KAT2A: variants seen among roughly 807,000 people sequenced by gnomAD.
KAT2A encodes lysine acetyltransferase 2A.
KAT2A carries 42 observed loss-of-function variants against 95.2 expected under a neutral mutation model. That is an observed-to-expected ratio of 0.44 (90% CI 0.34 to 0.57). The LOEUF (loss-of-function observed/expected upper bound fraction) is 0.57. Among genes scored for constraint, KAT2A ranks in the 20% least tolerant of loss-of-function variants. KAT2A has a pLI of 0.01. For missense variants in KAT2A, 784 were observed against 1,126.3 expected, an observed-to-expected ratio of 0.70 and a Z score of 4.35; for synonymous variants, 449 against 448.2, an observed-to-expected ratio of 1.00 and a Z score of -0.02.
Position 42,120,316 on chromosome 17 carries a change from A to G in KAT2A, c.518T>C (p.Leu173Pro). The G allele has an allele frequency of 1.2e-6, 2 of 1,614,198 alleles. No individual in the cohort carries two copies. Among genetic ancestry groups the G allele is most frequent in the African/African-American group, 1.3e-5 (1 of 75,056 alleles). Residue 173 changes from leucine to proline, a missense_variant, in exon 3 of 18, where the codon CTG becomes CCG. Around this residue, in one of 6 missense-constraint regions of KAT2A, gnomAD observed 208 missense variants for 339.7 expected, o/e 0.61. Transcript: ENST00000225916. ...ATTCTCCACATCCACCACCATCCCC[A>G]GCAGTCGGTTTATCTCATCCTCTGA... ...NVSEDEINRLLGMVVDVENLF... is the reference protein window; with the variant it reads ...NVSEDEINRLPGMVVDVENLF...
At position 42,117,864 on chromosome 17, in the gene KAT2A, G is replaced by A. The variant is rs377337793; in HGVS notation, c.1291+43C>T. 6.1e-5 allele frequency: 98 copies of A among 1,607,286 alleles called. No homozygotes were observed. The highest frequency in any genetic ancestry group is 1.7e-4 in the Middle Eastern group (1 of 6,060). ...CTCAGGATCAGTAAAAAAGGTTTGG[G>A]AAGGAGTGAATGAGGGTCAGAGGTC... On this transcript the variant is annotated intron_variant, in intron 8 of 17. Transcript: ENST00000225916. This position sits in a 1 kb window ranked among gnomAD's most constrained non-coding sequence, Gnocchi z 8.9.
intron 1 of KAT2A, 37 bp from the exon 2 acceptor site, chr17:42,120,866 T>C (rs376212534): frequency 7.5e-6 from 12 of 1,589,582 alleles, no homozygotes; most frequent in African/African-American, 1.3e-5. Flanking sequence ...CCTATACCTC[T>C]GGGGCAAGAG....
Position 42,113,564 on chromosome 17 carries a change from C to A in KAT2A, c.*85G>T. 2 of 1,350,834 alleles carry A rather than the reference C, an allele frequency of 1.5e-6. No individual in the cohort carries two copies. The highest frequency in any genetic ancestry group is 2.0e-6 in the Non-Finnish European group (2 of 983,134). 83.7% of individuals were successfully genotyped at this position (1,350,834 alleles called of 1,614,324 possible). A position where few individuals can be genotyped will look rare whatever the true frequency, so the allele number is the denominator to read the frequency against. ...TGGAGTGTCTCAAGCTGAGTCGGGT[C>A]CGTGGGGCCAGGGCACCCCCTAAGG... On this transcript the variant is annotated 3_prime_UTR_variant, in exon 18 of 18. Transcript: ENST00000225916.
rs1227936957 is a variant in KAT2A, at chr17:42,115,852, G to A, written c.1765-19C>T. ...CATAACCCTGCGGGGGAGGGAAGCA[G>A]GACTCACCAGGAGCTGAGGATGGGC... On this transcript the variant is annotated intron_variant, in intron 11 of 17. Coordinates refer to ENST00000225916, the MANE Select transcript of KAT2A (RefSeq NM_021078.3). 2.9e-6 allele frequency: 4 copies of A among 1,403,092 alleles called. No homozygotes were observed. The highest frequency in any genetic ancestry group is 4.1e-6 in the Non-Finnish European group (4 of 987,636). 86.9% of individuals were successfully genotyped at this position (1,403,092 alleles called of 1,614,324 possible).
rs776229278 is a variant in KAT2A at position 42,117,299 on chromosome 17, G to C, written c.1637+89C>G. The C allele has an allele frequency of 8.4e-6, 13 of 1,540,122 alleles. No individual in the cohort carries two copies. The highest frequency in any genetic ancestry group is 1.1e-5 in the Non-Finnish European group (12 of 1,120,824). On this transcript the variant is annotated intron_variant, in intron 10 of 17. Transcript: ENST00000225916. This position sits in a 1 kb window ranked among gnomAD's most constrained non-coding sequence, Gnocchi z 8.9. ...GGATGAACCTCAGAAGTGGGGAGCA[G>C]GGGATCCCCAATTTTGAGGAGTGAA...
rs1394430638 is a variant in KAT2A, at chr17:42,121,321, G to C, written c.-17C>G. 1.5e-6 allele frequency: 2 copies of C among 1,365,920 alleles called. No individual in the cohort carries two copies. Among genetic ancestry groups the C allele is most frequent in the African/African-American group, 1.5e-5 (1 of 65,234 alleles). The allele number at this position is 1,365,920 out of a possible 1,614,324, so 84.6% of individuals were successfully genotyped here. Reference sequence around the variant, plus strand: ...TTCCGCCATGGCCTCCCCCGCAGCGGAGAGCGGCGCCGCGCTCCCAGCCCT... The same window carrying C: ...TTCCGCCATGGCCTCCCCCGCAGCGCAGAGCGGCGCCGCGCTCCCAGCCCT... On this transcript the variant is annotated 5_prime_UTR_variant, in exon 1 of 18. Coordinates refer to ENST00000225916, the MANE Select transcript of KAT2A (RefSeq NM_021078.3).
chr17:42,115,145 C>T, intron 12 of KAT2A, 110 bp from the exon 13 acceptor site: 1 of 1,072,996 alleles, frequency 9.3e-7, no homozygotes, highest in Non-Finnish European at 1.4e-6. Context: ...CCACCTCCTG[C>T]TCCTGAACCT....
At chr17:42,116,864 TAATCCACA>T (rs2054265362) in intron 11 of KAT2A, among the ~76,000 whole-genome samples, 163 bp downstream of exon 11, 1 of 152,232 alleles carries the variant, frequency 6.6e-6, no homozygotes, top group Non-Finnish European at 1.5e-5. Context: ...GGTGGTTTCC[TAATCCACA>T]GTTATCAAAG....
At chr17:42,120,862 C>T (rs1555667158) in intron 1 of KAT2A, 33 bp from the exon 2 acceptor site, 9 of 1,592,424 alleles carry the variant, frequency 5.7e-6, no homozygotes, top group Non-Finnish European at 7.7e-6. Flanking sequence ...ATGACCTATA[C>T]CTCTGGGGCA....
At position 42,121,001 on chromosome 17, in the gene KAT2A, T is replaced by G. The variant is rs1179020417; in HGVS notation, c.304A>C (p.Lys102Gln). Residue 102 changes from lysine (K) to glutamine (Q), a missense_variant, in exon 1 of 18, where the codon AAG (lysine) becomes CAG (glutamine). Lys to Gln is a moderately conservative substitution (Grantham distance 53). This residue lies in a region of KAT2A where 208 missense variants were observed against 339.7 expected (regional missense o/e 0.61). Transcript: ENST00000225916. ...GAGAAGACCCCTAGCTTCTCAAGCT[T>G]CTTGGCGCGCGGCAGCCCCCGGACT... ...AQVRGLPRAK[K>Q]LEKLGVFSAC... 7.5e-6 allele frequency: 12 copies of G among 1,594,168 alleles called. No individual in the cohort carries two copies. Among genetic ancestry groups the G allele is most frequent in the African/African-American group, 1.3e-5 (1 of 74,572 alleles).
Position 42,117,451 on chromosome 17 carries a change from T to C in KAT2A, c.1574A>G (p.Asn525Ser). ...GCGCGGCAGCTGGTGGGAAAAGACA[T>C]TCTGCAGCCCCACGAGCCACAGCAA... ...RVLLWLVGLQ[N>S]VFSHQLPRMP... is the part of the protein sequence containing the mutation. The change falls in exon 10 of 18, where the codon AAT becomes AGT. Residue 525 changes from asparagine to serine, a missense_variant. By Grantham distance (46) the Asn-to-Ser change is conservative. Transcript: ENST00000225916. This position sits in a 1 kb window ranked among gnomAD's most constrained non-coding sequence, Gnocchi z 8.9. 6.2e-7 allele frequency: 1 copy of C among 1,613,308 alleles called. No individual in the cohort carries two copies.
At position 42,119,693 on chromosome 17, in the gene KAT2A, T is replaced by G; in HGVS notation, c.725A>C (p.Lys242Thr). The change falls in exon 5 of 18, where the codon AAG becomes ACG. Residue 242 changes from lysine (K) to threonine (T), a missense_variant. Coordinates refer to ENST00000225916, the MANE Select transcript of KAT2A (RefSeq NM_021078.3). This position sits in a 1 kb window ranked among gnomAD's most constrained non-coding sequence, Gnocchi z 5.3. ...CTCCCGGGGAGCCAGGTGACTAAAC[T>G]TGTACTGCACAAAGTTCAGCACACC... The part of the protein sequence containing the change: ...EQGVLNFVQY[K>T]FSHLAPRERQ... 1 of 1,610,768 alleles carries G rather than the reference T, an allele frequency of 6.2e-7. No homozygotes were observed. Among genetic ancestry groups the G allele is most frequent in the Non-Finnish European group, 8.5e-7 (1 of 1,178,316 alleles).
At position 42,117,330 on chromosome 17, in the gene KAT2A, C is replaced by T. The variant is rs1270912647; in HGVS notation, c.1637+58G>A. 40 of 1,586,018 alleles carry T rather than the reference C, an allele frequency of 2.5e-5. No individual in the cohort carries two copies. The highest frequency in any genetic ancestry group is 6.6e-5 in the South Asian group (6 of 90,300). On this transcript the variant is annotated intron_variant, in intron 10 of 17. Coordinates refer to ENST00000225916, the MANE Select transcript of KAT2A (RefSeq NM_021078.3). This position sits in a 1 kb window ranked among gnomAD's most constrained non-coding sequence, Gnocchi z 8.9. The stretch of plus-strand genomic sequence containing the variant: ...CCCCAATTTTGAGGAGTGAAGAGGC[C>T]GAGGAGGAAGGGAACTGGGTGTGCT...
At chr17:42,118,093 G>A in intron 7 of KAT2A, 76 bp from the exon 8 acceptor site, 1 of 966,706 alleles carries the variant, frequency 1.0e-6, no homozygotes, top group African/African-American at 1.9e-5. Context: ...GACGGGGGCT[G>A]AAGCTGAGGA....
Position 42,119,497 on chromosome 17 carries a change from C to T in KAT2A, c.881+40G>A. The T allele has an allele frequency of 6.3e-7, 1 of 1,580,586 alleles. No homozygotes were observed. Among genetic ancestry groups the T allele is most frequent in the Non-Finnish European group, 8.6e-7 (1 of 1,160,072 alleles). On this transcript the variant is annotated intron_variant, in intron 5 of 17. Coordinates refer to ENST00000225916, the MANE Select transcript of KAT2A (RefSeq NM_021078.3). This position sits in a 1 kb window ranked among gnomAD's most constrained non-coding sequence, Gnocchi z 5.3. ...CGGAAACCACTGAACCCAGGCTGGG[C>T]CTGCAAGCCTCCCCCGAAGCTGCCC...
chr17:42,119,106 T>G lies in KAT2A; in HGVS notation c.1073+139A>C, dbSNP rs1338262923. 1.7e-5 allele frequency: 26 copies of G among 1,500,202 alleles called. No homozygotes were observed. The highest frequency in any genetic ancestry group is 2.2e-5 in the Non-Finnish European group (25 of 1,126,356). 92.9% of individuals were successfully genotyped at this position (1,500,202 alleles called of 1,614,324 possible). A position where few individuals can be genotyped will look rare whatever the true frequency, so the allele number is the denominator to read the frequency against. ...GTTGCTTCTGGGCCATGGGCAAGTC[T>G]GCCAGGTAGACGCCCAGATCCCAAA... On this transcript the variant is annotated intron_variant, in intron 6 of 17. Transcript: ENST00000225916. This position sits in a 1 kb window ranked among gnomAD's most constrained non-coding sequence, Gnocchi z 5.3.
rs1238261413 is a variant in KAT2A, at chr17:42,114,032, G to C, written c.2288C>G (p.Pro763Arg). 2 of 1,520,784 alleles carry C rather than the reference G, an allele frequency of 1.3e-6. No homozygotes were observed. The highest frequency in any genetic ancestry group is 2.4e-5 in the East Asian group (1 of 41,110). 94.2% of individuals were successfully genotyped at this position (1,520,784 alleles called of 1,614,324 possible). A position where few individuals can be genotyped will look rare whatever the true frequency, so the allele number is the denominator to read the frequency against. ...GAAGCGGATGACCTCGTAGTAGTCA[G>C]GGGCCTCCGACTTCTTCACAGGCTC... ...FMEPVKKSEA[P>R]DYYEVIRFPI... Residue 763 changes from proline to arginine, a missense_variant, in exon 17 of 18, where the codon CCT becomes CGT. Pro to Arg is a moderately radical substitution (Grantham distance 103). Coordinates refer to ENST00000225916, the MANE Select transcript of KAT2A (RefSeq NM_021078.3). This position sits in a 1 kb window ranked among gnomAD's most constrained non-coding sequence, Gnocchi z 6.0.
chr17:42,120,037 A>G lies in KAT2A; in HGVS notation c.692T>C (p.Ile231Thr), dbSNP rs1555666957. Residue 231 changes from isoleucine to threonine, a missense_variant, in exon 4 of 18, where the codon ATT (isoleucine) becomes ACT (threonine). Around this residue, in one of 6 missense-constraint regions of KAT2A, gnomAD observed 208 missense variants for 339.7 expected, o/e 0.61. Transcript: ENST00000225916. The part of the protein sequence containing the change: ...LGSPPFEKPN[I>T]EQGVLNFVQY... Reference sequence around the variant, plus strand: ...CCAATTCCCCTATCTCACCTGCTCAATATTAGGTTTCTCAAATGGAGGGCT... The same window carrying G: ...CCAATTCCCCTATCTCACCTGCTCAGTATTAGGTTTCTCAAATGGAGGGCT... 6.2e-7 allele frequency: 1 copy of G among 1,613,404 alleles called. No individual in the cohort carries two copies.
Position 42,118,079 on chromosome 17 carries a change from C to T in KAT2A, c.1181-62G>A. On this transcript the variant is annotated intron_variant, in intron 7 of 17. Transcript: ENST00000225916. Reference sequence around the variant, plus strand: ...AAGCTGAGGAGAGAGAGAGAGAAGTCAGGGACGGGGGCTGAAGCTGAGGAG... The same window carrying T: ...AAGCTGAGGAGAGAGAGAGAGAAGTTAGGGACGGGGGCTGAAGCTGAGGAG... 1.2e-5 allele frequency: 13 copies of T among 1,098,576 alleles called. No individual in the cohort carries two copies. The South Asian group carries it at 1.9e-4, about 16-fold the overall frequency. The allele number at this position is 1,098,576 out of a possible 1,614,324, so 68.1% of individuals were successfully genotyped here.
Sources: gnomAD v4.1 joint callset for allele counts (sites outside exome capture counted in the v4.1 genomes callset) on GRCh38, gnomAD v4.1.1 for gene constraint, gnomAD v4.1.1 regional missense constraint, Gnocchi (gnomAD v3.1) non-coding constraint, MANE v1.5 for transcripts, NCBI Gene and HGNC (gene_info 2026-07-23, HGNC 2026-07-21) for gene names.